TMEFF2: variants seen among roughly 807,000 people sequenced by gnomAD.
The protein encoded by TMEFF2 is tomoregulin-2.
Under a neutral mutation model 53.8 loss-of-function variants are expected in TMEFF2, and 28 were observed. The observed-to-expected ratio is 0.52, with a 90% CI of 0.39 to 0.71. The LOEUF (loss-of-function observed/expected upper bound fraction) is 0.71, where lower values mean the gene tolerates loss of function less well. Among genes scored for constraint, TMEFF2 ranks in the 30% least tolerant of loss-of-function variants. The pLI is 0.00. For missense variants in TMEFF2, 353 were observed against 455.2 expected, an observed-to-expected ratio of 0.78 and a Z score of 2.04; for synonymous variants, 162 against 166.3, an observed-to-expected ratio of 0.97 and a Z score of 0.20.
chr2:192,057,162 G>A (rs868127245), intron 5 of TMEFF2, among the ~76,000 whole-genome samples: 6 of 152,026 alleles, frequency 3.9e-5, no homozygotes, highest in African/African-American at 1.5e-4. Context: ...TCCCTCCTCA[G>A]CCTCCTGAGT....
At position 191,995,778 on chromosome 2, in the gene TMEFF2, T is replaced by G. The variant is rs374262441; in HGVS notation, c.745+2484A>C. Among the ~76,000 whole-genome samples the G allele has an allele frequency of 1.8e-4, 27 of 152,136 alleles. No homozygotes were observed. In the East Asian group the frequency reaches 2.5e-3, roughly 14 times the overall value. On this transcript the variant is annotated intron_variant, in intron 7 of 9. Coordinates refer to ENST00000272771, the MANE Select transcript of TMEFF2 (RefSeq NM_016192.4). ...CTTGAGAATCTTGACGTATGCAATC[T>G]ATGTTTAACTAGGAATTACAAGCTT...
At chr2:192,099,100 C>A (rs1017414045) in intron 4 of TMEFF2, among the ~76,000 whole-genome samples, 1 of 152,126 alleles carries the variant, frequency 6.6e-6, no homozygotes, top group Non-Finnish European at 1.5e-5. Flanking sequence ...AAAGCATGGA[C>A]ACACTCAGTT....
intron 4 of TMEFF2, among the ~76,000 whole-genome samples, chr2:192,149,018 C>T (rs145471081): frequency 8.6e-5 from 13 of 151,990 alleles, no homozygotes; most frequent in East Asian, 1.9e-4. Context: ...CAAAGAGAGG[C>T]GAGAAGAAAC....
intron 4 of TMEFF2, among the ~76,000 whole-genome samples, chr2:192,094,322 G>A (rs1436237365): frequency 5.3e-5 from 8 of 152,092 alleles, no homozygotes; most frequent in African/African-American, 7.2e-5. Context: ...TCATTTTAAT[G>A]TGTGATGCAG....
At chr2:192,077,093 A>G (rs1454502218) in intron 4 of TMEFF2, among the ~76,000 whole-genome samples, 2 of 152,280 alleles carry the variant, frequency 1.3e-5, no homozygotes, top group East Asian at 1.9e-4. Context: ...AGACAGATAG[A>G]TATATGCAAG....
At chr2:192,099,424 G>A (rs1450969957) in intron 4 of TMEFF2, among the ~76,000 whole-genome samples, 1 of 152,074 alleles carries the variant, frequency 6.6e-6, no homozygotes, top group Non-Finnish European at 1.5e-5. Flanking sequence ...GCAGCTTTTA[G>A]ATTTACTTTT....
intron 4 of TMEFF2, among the ~76,000 whole-genome samples, chr2:192,115,774 A>G (rs1009677592): frequency 6.6e-6 from 1 of 152,070 alleles, no homozygotes; most frequent in Non-Finnish European, 1.5e-5. Context: ...AATGCAAATG[A>G]AAAACACAAT....
intron 5 of TMEFF2, among the ~76,000 whole-genome samples, chr2:192,007,654 C>T (rs1300571031): frequency 1.3e-5 from 2 of 152,116 alleles, no homozygotes; most frequent in African/African-American, 4.8e-5. Flanking sequence ...CCTTTATCTT[C>T]TGGGGAATGA....
chr2:192,158,639 T>C (rs929760616), intron 4 of TMEFF2, among the ~76,000 whole-genome samples: 1 of 152,132 alleles, frequency 6.6e-6, no homozygotes, highest in South Asian at 2.1e-4. Flanking sequence ...TTACATTAGA[T>C]GTTATTACTC....
intron 4 of TMEFF2, among the ~76,000 whole-genome samples, chr2:192,163,820 C>T (rs1445527913): frequency 3.3e-5 from 5 of 152,264 alleles, no homozygotes; most frequent in South Asian, 2.1e-4. Context: ...TGCTAAATGA[C>T]GTGATGGGGT....
intron 4 of TMEFF2, among the ~76,000 whole-genome samples, chr2:192,107,829 GAAC>G (rs1249286684): frequency 6.6e-6 from 1 of 151,716 alleles, no homozygotes; most frequent in African/African-American, 2.4e-5. Flanking sequence ...CAGTAGTGCA[GAAC>G]AATCAAGAAA....
intron 7 of TMEFF2, among the ~76,000 whole-genome samples, chr2:191,984,439 C>T (rs1016602500): frequency 2.0e-5 from 3 of 152,018 alleles, no homozygotes; most frequent in East Asian, 3.9e-4. Context: ...AAAATCCTTC[C>T]TTTGATGATA....
intron 4 of TMEFF2, among the ~76,000 whole-genome samples, chr2:192,170,414 A>G (rs1239295222): frequency 6.6e-6 from 1 of 152,100 alleles, no homozygotes; most frequent in Non-Finnish European, 1.5e-5. Flanking sequence ...AAATATATGC[A>G]GAGTACACCA....
At chr2:192,074,162 T>C (rs2105918376) in intron 4 of TMEFF2, among the ~76,000 whole-genome samples, 1 of 152,146 alleles carries the variant, frequency 6.6e-6, no homozygotes, top group Non-Finnish European at 1.5e-5. Flanking sequence ...GTAGAGAAAT[T>C]AATATGTCAC....
chr2:191,964,280 TC>T lies in TMEFF2; in HGVS notation c.746-7903del, dbSNP rs1456371317. ...TCCTCCTTTCTTTTCTTTTTTCTTT[TC>T]CTTTTCCTTCTTTCCTTCTTTCCTT... On this transcript the variant is annotated intron_variant, in intron 7 of 9. Coordinates refer to ENST00000272771, the MANE Select transcript of TMEFF2 (RefSeq NM_016192.4). Among the ~76,000 whole-genome samples the T allele has an allele frequency of 4.0e-3, 581 of 146,328 alleles. 13 individuals are homozygous for T. Among genetic ancestry groups the T allele is most frequent in the African/African-American group, 9.2e-3 (346 of 37,546 alleles).
At chr2:191,958,481 G>A (rs1692172071) in intron 7 of TMEFF2, among the ~76,000 whole-genome samples, 1 of 151,980 alleles carries the variant, frequency 6.6e-6, no homozygotes, top group South Asian at 2.1e-4. Flanking sequence ...GTGAAAATCC[G>A]GTTTTTAGTC....
chr2:192,169,430 A>C (rs1420742184), intron 4 of TMEFF2, among the ~76,000 whole-genome samples: 1 of 152,128 alleles, frequency 6.6e-6, no homozygotes. Context: ...GGTAGAGAAA[A>C]TGAATGATGT....
At chr2:192,037,855 T>A (rs1400547853) in intron 5 of TMEFF2, 1 of 152,170 alleles carries the variant, frequency 6.6e-6, no homozygotes, top group Non-Finnish European at 1.5e-5. Context: ...TAATTCTACC[T>A]TGACTTCTAT....
intron 4 of TMEFF2, among the ~76,000 whole-genome samples, chr2:192,175,783 G>T (rs73984909): frequency 0.024 from 3,569 of 151,314 alleles, 120 homozygotes; most frequent in African/African-American, 0.08. Flanking sequence ...TTCTGCTCAT[G>T]TACAGCAGGA....
Sources: allele counts gnomAD v4.1 joint callset (sites outside exome capture counted in the v4.1 genomes callset), GRCh38; gene constraint gnomAD v4.1.1; transcripts MANE v1.5; gene names NCBI Gene and HGNC (gene_info 2026-07-23, HGNC 2026-07-21).